ARHGAP19: variants seen among roughly 807,000 people sequenced by gnomAD.
ARHGAP19 encodes rho GTPase-activating protein 19.
Under a neutral mutation model 60.9 loss-of-function variants are expected in ARHGAP19, and 48 were observed. The observed-to-expected ratio is 0.79, with a 90% confidence interval of 0.62 to 1.00. The LOEUF (loss-of-function observed/expected upper bound fraction) is 1.00. ARHGAP19 is among the 50% of genes least tolerant of loss of function. ARHGAP19 has a pLI of 0.00. For missense variants in ARHGAP19, 562 were observed against 597.2 expected (o/e 0.94, Z 0.61); for synonymous variants, 209 against 215.5 (o/e 0.97, Z 0.27).
At chr10:97,259,332 A>G in intron 5 of ARHGAP19, 70 bp downstream of exon 5, 1 of 1,203,730 alleles carries the variant, frequency 8.3e-7, no homozygotes, top group Admixed American at 1.7e-5. Flanking sequence ...AATCTCACCA[A>G]TGTACAGCCA....
chr10:97,289,827 C>G (rs1256422054), intron 1 of ARHGAP19, among the ~76,000 whole-genome samples: 1 of 149,054 alleles, frequency 6.7e-6, no homozygotes, highest in African/African-American at 2.5e-5. Context: ...GCACTCCAGC[C>G]TGGGCAACAG....
At chr10:97,242,770 T>C (rs1279620398) in intron 8 of ARHGAP19, among the ~76,000 whole-genome samples, 1 of 152,164 alleles carries the variant, frequency 6.6e-6, no homozygotes, top group East Asian at 1.9e-4. Flanking sequence ...TACCTCATCC[T>C]CCCAAAGTGC....
chr10:97,257,423 G>A (rs1180027013), intron 5 of ARHGAP19, among the ~76,000 whole-genome samples: 4 of 151,644 alleles, frequency 2.6e-5, no homozygotes. Context: ...AAGTAGCTAG[G>A]AGTATAGGCA....
chr10:97,267,962 T>A (rs11189082), intron 1 of ARHGAP19, among the ~76,000 whole-genome samples: 5,566 of 152,352 alleles, frequency 0.037, 170 homozygotes, highest in East Asian at 0.16. Flanking sequence ...GAAATTAGCA[T>A]TTGGCTCCTC....
intron 6 of ARHGAP19, among the ~76,000 whole-genome samples, chr10:97,254,065 T>C (rs1242519170): frequency 2.6e-5 from 4 of 152,150 alleles, no homozygotes; most frequent in East Asian, 3.8e-4. Flanking sequence ...TTGGATAAGA[T>C]TGCTAAGATG....
intron 5 of ARHGAP19, among the ~76,000 whole-genome samples, chr10:97,258,312 G>A (rs1476033782): frequency 7.2e-5 from 11 of 152,158 alleles, no homozygotes; most frequent in Non-Finnish European, 1.5e-4. Context: ...GATCACCTGA[G>A]GTCAGCAGTT....
intron 1 of ARHGAP19, among the ~76,000 whole-genome samples, chr10:97,273,212 G>C (rs911246124): frequency 3.3e-5 from 5 of 151,590 alleles, no homozygotes; most frequent in Admixed American, 2.6e-4. Flanking sequence ...TTCCAGGCCG[G>C]AGTGCAATGG....
chr10:97,287,380 G>A (rs994227299), intron 1 of ARHGAP19, among the ~76,000 whole-genome samples: 3 of 152,184 alleles, frequency 2.0e-5, no homozygotes, highest in Non-Finnish European at 4.4e-5. Context: ...TGGAAGGGAG[G>A]GGGTGTTCCT....
chr10:97,291,192 C>A (rs1337738920), intron 1 of ARHGAP19, among the ~76,000 whole-genome samples: 2 of 152,144 alleles, frequency 1.3e-5, no homozygotes, highest in Admixed American at 1.3e-4. Flanking sequence ...CAACGGCCAC[C>A]CACTTTGGGT....
chr10:97,245,961 G>A (rs1022826494), intron 7 of ARHGAP19, among the ~76,000 whole-genome samples: 2 of 151,708 alleles, frequency 1.3e-5, no homozygotes, highest in East Asian at 1.9e-4. Flanking sequence ...ACAGGGTCTC[G>A]CTGTGTTACC....
intron 11 of ARHGAP19, among the ~76,000 whole-genome samples, 185 bp from the exon 12 acceptor site, chr10:97,226,317 C>A (rs911624858): frequency 6.6e-6 from 1 of 152,202 alleles, no homozygotes; most frequent in Non-Finnish European, 1.5e-5. Context: ...TTCATTAAAT[C>A]ATCTTAATGG....
chr10:97,251,446 G>A (rs1375998124), intron 6 of ARHGAP19, among the ~76,000 whole-genome samples: 2 of 13,114 alleles, frequency 1.5e-4, no homozygotes, highest in African/African-American at 2.9e-4. Context: ...GGGAGGAGAC[G>A]GGGAAGGGGA....
rs537409051 is a variant in ARHGAP19 at position 97,246,374 on chromosome 10, T to C, written c.928-37A>G. The C allele has an allele frequency of 1.3e-5, 19 of 1,503,836 alleles. No homozygotes were observed. In the South Asian group the frequency reaches 1.6e-4, roughly 13 times the overall value. The allele number at this position is 1,503,836 out of a possible 1,614,324, so 93.2% of individuals were successfully genotyped here. A position where few individuals can be genotyped will look rare whatever the true frequency, so the allele number is the denominator to read the frequency against. On this transcript the variant is annotated intron_variant, in intron 6 of 11. Transcript: ENST00000358531. Reference sequence around the variant, plus strand: ...ATAAAAGAAAACCAAAACCCAGTGATTAGTAGAATATAACATTCTTTCAGG... The same window carrying C: ...ATAAAAGAAAACCAAAACCCAGTGACTAGTAGAATATAACATTCTTTCAGG...
At chr10:97,234,142 T>C (rs1330128806) in intron 9 of ARHGAP19, among the ~76,000 whole-genome samples, 2 of 151,450 alleles carry the variant, frequency 1.3e-5, no homozygotes, top group Admixed American at 6.6e-5. Flanking sequence ...TGGCAGGCAC[T>C]TGTAATCCTA....
At position 97,235,286 on chromosome 10, in the gene ARHGAP19, T is replaced by TG; in HGVS notation, c.1214dup (p.Gly406ArgfsTer23). ...CCTGGGAAGTAGAAGGTTCTCGCCC[T>TG]GGTGTCTGGGTCAATGATTGCTTAT... On this transcript the variant is annotated frameshift_variant, in exon 9 of 12. Transcript: ENST00000358531. LOFTEE classifies it high-confidence loss of function. 1 of 1,613,704 alleles carries TG rather than the reference T, an allele frequency of 6.2e-7. No homozygotes were observed. The highest frequency in any genetic ancestry group is 8.5e-7 in the Non-Finnish European group (1 of 1,179,698).
In ARHGAP19 at chr10:97,222,437, G is replaced by A. The variant is rs1376126527; in HGVS notation, c.*3685C>T. 4 of 152,238 alleles carry A rather than the reference G, an allele frequency of 2.6e-5. No homozygotes were observed. The highest frequency in any genetic ancestry group is 4.4e-5 in the Non-Finnish European group (3 of 68,072). 9.4% of individuals were successfully genotyped at this position (152,238 alleles called of 1,614,324 possible). A position where few individuals can be genotyped will look rare whatever the true frequency, so the allele number is the denominator to read the frequency against. ...TATCTGTCCCCAGACATGGCCAGGG[G>A]AGGGCTCCATGGCTCTTTAGCACAG... On this transcript the variant is annotated 3_prime_UTR_variant, in exon 12 of 12. Transcript: ENST00000358531.
intron 6 of ARHGAP19, among the ~76,000 whole-genome samples, chr10:97,249,642 A>C (rs535963683): frequency 6.6e-6 from 1 of 151,976 alleles, no homozygotes; most frequent in Non-Finnish European, 1.5e-5. Context: ...AAAGTGTCAT[A>C]ATAATTAAAA....
At chr10:97,227,372 A>G (rs1372613571) in intron 11 of ARHGAP19, among the ~76,000 whole-genome samples, 1 of 152,226 alleles carries the variant, frequency 6.6e-6, no homozygotes, top group Non-Finnish European at 1.5e-5. Context: ...GTTATCATAC[A>G]GAGAGCAGAG....
At chr10:97,230,631 G>A (rs984319791) in intron 9 of ARHGAP19, among the ~76,000 whole-genome samples, 3 of 152,052 alleles carry the variant, frequency 2.0e-5, no homozygotes, top group African/African-American at 7.2e-5. Flanking sequence ...TTATAAATAT[G>A]AGCAGCAATA....
Sources: allele counts gnomAD v4.1 joint callset (sites outside exome capture counted in the v4.1 genomes callset), GRCh38; gene constraint gnomAD v4.1.1; transcripts MANE v1.5; gene names NCBI Gene and HGNC (gene_info 2026-07-23, HGNC 2026-07-21).